DMD: variants seen among roughly 807,000 people sequenced by gnomAD.
DMD encodes mutant dystrophin.
In DMD, 63 loss-of-function variants were observed where a neutral mutation model predicts 330.1. The ratio of observed to expected loss-of-function variants is 0.19; its 90% confidence interval spans 0.16 to 0.24. The LOEUF is 0.24. DMD is among the 10% of genes least tolerant of loss of function. The pLI is 1.00. For synonymous variants in DMD, 1,223 were observed against 959.8 expected (o/e 1.27, Z -5.07); for missense variants, 3,344 against 2,684.1 (o/e 1.25, Z -5.43).
intron 44 of DMD, among the ~76,000 whole-genome samples, chrX:32,067,008 A>T (rs1373861437): frequency 1.8e-5 from 2 of 111,663 alleles, no homozygotes; most frequent in African/African-American, 3.2e-5. Flanking sequence ...GCAATTCAAT[A>T]TATAACCCAT....
intron 42 of DMD, among the ~76,000 whole-genome samples, chrX:32,297,247 ATTTATTTAT>A (rs1224005110): frequency 5.8e-4 from 46 of 78,920 alleles, no homozygotes; most frequent in African/African-American, 1.5e-3. Flanking sequence ...TTATTTATTT[ATTTATTTAT>A]TTATTTATTT....
At chrX:31,910,247 T>C (rs2094530710) in intron 47 of DMD, among the ~76,000 whole-genome samples, 1 of 112,490 alleles carries the variant, frequency 8.9e-6, no homozygotes, top group African/African-American at 3.2e-5. Context: ...AATCAATCAA[T>C]TTAATAGTGA....
intron 44 of DMD, among the ~76,000 whole-genome samples, chrX:32,059,835 T>C (rs973174027): frequency 9.0e-6 from 1 of 111,317 alleles, no homozygotes; most frequent in Non-Finnish European, 1.9e-5. Context: ...GATGTTTTAG[T>C]TTTTTAAAGA....
At chrX:32,687,457 A>T (rs899055064) in intron 9 of DMD, among the ~76,000 whole-genome samples, 4 of 111,851 alleles carry the variant, frequency 3.6e-5, no homozygotes, top group African/African-American at 1.3e-4. Flanking sequence ...ACTATGGAAG[A>T]AGTTATACTA....
intron 48 of DMD, among the ~76,000 whole-genome samples, chrX:31,853,170 C>A (rs1208134900): frequency 8.9e-6 from 1 of 112,890 alleles, no homozygotes; most frequent in Non-Finnish European, 1.9e-5. Context: ...AGGTGTGAGC[C>A]ACTGCACCTG....
intron 7 of DMD, among the ~76,000 whole-genome samples, chrX:32,702,195 G>C (rs1274205055): frequency 8.9e-6 from 1 of 112,271 alleles, no homozygotes; most frequent in Non-Finnish European, 1.9e-5. Context: ...GAAGTACAAA[G>C]TAATTGCATT....
chrX:32,944,744 A>G (rs2090675104), intron 2 of DMD, among the ~76,000 whole-genome samples: 1 of 109,270 alleles, frequency 9.2e-6, no homozygotes, highest in African/African-American at 3.4e-5. Flanking sequence ...AGCTGGGATT[A>G]CAGGCGCCTG....
intron 9 of DMD, among the ~76,000 whole-genome samples, chrX:32,683,409 A>G (rs2062582849): frequency 9.1e-6 from 1 of 109,783 alleles, no homozygotes; most frequent in Admixed American, 9.8e-5. Flanking sequence ...TCCAACAATG[A>G]TAGACTGGAT....
At chrX:32,445,874 C>T (rs1273573749) in intron 27 of DMD, among the ~76,000 whole-genome samples, 2 of 111,000 alleles carry the variant, frequency 1.8e-5, no homozygotes, top group Admixed American at 9.6e-5. Context: ...AACACACATA[C>T]ATAAATGTAG....
At position 32,627,436 on chromosome X, in the gene DMD, G is replaced by T. The variant is rs149192767; in HGVS notation, c.1332-12983C>A. 3.0e-5 allele frequency among the ~76,000 whole-genome samples: 3 copies of T among 100,431 alleles called. No individual in the cohort carries two copies. In the East Asian group the frequency reaches 8.5e-4, roughly 28 times the overall value. 87.2% of individuals were successfully genotyped at this position (100,431 alleles called of 115,157 possible). On this transcript the variant is annotated intron_variant, in intron 11 of 78. Coordinates refer to ENST00000357033, the MANE Select transcript of DMD (RefSeq NM_004006.3). ...TAATTTTGATCTTGTAGAATTTGGG[G>T]CTTTTAAATATAATTTTTAAATACA...
In DMD at chrX:31,496,840, G is replaced by A; in HGVS notation, c.8495C>T (p.Ala2832Val). 8.3e-7 allele frequency: 1 copy of A among 1,211,846 alleles called. No individual in the cohort carries two copies. Among genetic ancestry groups the A allele is most frequent in the Non-Finnish European group, 1.1e-6 (1 of 895,510 alleles). Reference protein sequence around the residue: ...QLKDDELSRQAPIGGDFPAVQ... With the variant: ...QLKDDELSRQVPIGGDFPAVQ... ...TGCTGGAAAGTCGCCTCCAATAGGTGCCTGCCGGCTTAATTCATCATCTTT... is the reference window on the plus strand; with the variant it reads ...TGCTGGAAAGTCGCCTCCAATAGGTACCTGCCGGCTTAATTCATCATCTTT... Residue 2832 changes from alanine to valine, a missense_variant, in exon 57 of 79, where the codon GCA (alanine) becomes GTA (valine). Physicochemically the swap from Ala to Val is moderately conservative, Grantham distance 64 (BLOSUM62 0). Transcript: ENST00000357033.
chrX:32,454,310 G>A (rs776164247), intron 26 of DMD, among the ~76,000 whole-genome samples: 1 of 110,996 alleles, frequency 9.0e-6, no homozygotes, highest in African/African-American at 3.3e-5. Flanking sequence ...TTATAAATTT[G>A]TCTTTTCAAG....
intron 3 of DMD, among the ~76,000 whole-genome samples, chrX:32,846,142 G>A (rs2080641847): frequency 8.9e-6 from 1 of 112,037 alleles, no homozygotes; most frequent in Non-Finnish European, 1.9e-5. Flanking sequence ...TTCGTAGTAT[G>A]TGCCAAGTAC....
At chrX:32,474,152 GTTAA>G (rs1250855719) in intron 21 of DMD, among the ~76,000 whole-genome samples, 1 of 110,152 alleles carries the variant, frequency 9.1e-6, no homozygotes, top group African/African-American at 3.3e-5. Flanking sequence ...TGCAAATGCT[GTTAA>G]TTCATTCATT....
At chrX:32,225,198 A>G (rs903631192) in intron 43 of DMD, among the ~76,000 whole-genome samples, 1 of 112,223 alleles carries the variant, frequency 8.9e-6, no homozygotes, top group Non-Finnish European at 1.9e-5. Context: ...TTGAGAACAA[A>G]TATTTCAGGC....
chrX:33,119,251 T>TAC (rs1429470541), intron 1 of DMD, among the ~76,000 whole-genome samples: 39 of 111,944 alleles, frequency 3.5e-4, no homozygotes, highest in Non-Finnish European at 6.2e-4. Context: ...TATATATATA[T>TAC]ACACACACAC....
intron 44 of DMD, among the ~76,000 whole-genome samples, chrX:32,157,958 T>C (rs1395561060): frequency 8.9e-6 from 1 of 112,309 alleles, no homozygotes; most frequent in South Asian, 3.7e-4. Flanking sequence ...AATTGAAAGA[T>C]AATGCACCTG....
At chrX:32,758,213 G>T (rs774212000) in intron 7 of DMD, among the ~76,000 whole-genome samples, 24 of 111,617 alleles carry the variant, frequency 2.2e-4, no homozygotes, top group Non-Finnish European at 4.0e-4. Context: ...TGCTTTGGGG[G>T]AAAACTCAAA....
At chrX:31,873,314 T>TA (rs2093921235) in intron 48 of DMD, among the ~76,000 whole-genome samples, 1 of 111,482 alleles carries the variant, frequency 9.0e-6, no homozygotes, top group South Asian at 3.8e-4. Flanking sequence ...CAGGAGGAAG[T>TA]AAGGTAAACA....
Sources: allele counts gnomAD v4.1 joint callset (sites outside exome capture counted in the v4.1 genomes callset), GRCh38; gene constraint gnomAD v4.1.1; transcripts MANE v1.5; gene names NCBI Gene and HGNC (gene_info 2026-07-23, HGNC 2026-07-21).